The following FSTL5 variants were observed in gnomAD, a reference collection of about 807,000 sequenced individuals.
FSTL5 encodes follistatin like 5.
A neutral mutation model predicts 89.1 loss-of-function variants in FSTL5; 62 were observed. The observed-to-expected ratio is 0.70, with a 90% CI of 0.57 to 0.86. The LOEUF is 0.86. Among genes scored for constraint, FSTL5 ranks in the 40% least tolerant of loss-of-function variants. The pLI is 0.00. For missense variants in FSTL5, 1,057 were observed against 1,001.6 expected, an observed-to-expected ratio of 1.06 and a Z score of -0.75; for synonymous variants, 383 against 346.2, an observed-to-expected ratio of 1.11 and a Z score of -1.18.
chr4:161,930,186 C>T lies in FSTL5; in HGVS notation c.161-9534G>A, dbSNP rs79590383. On this transcript the variant is annotated intron_variant, in intron 3 of 15. Coordinates refer to ENST00000306100, the MANE Select transcript of FSTL5 (RefSeq NM_020116.5). The stretch of plus-strand genomic sequence containing the variant: ...GTAAAATACTCCCACAGTGTCTGAT[C>T]TGCAGCTACAAACAAGACATCACAG... 0.012 allele frequency among the ~76,000 whole-genome samples: 1,791 copies of T among 151,876 alleles called. 87 individuals are homozygous for T. In the East Asian group the frequency reaches 0.16, roughly 13 times the overall value.
intron 7 of FSTL5, among the ~76,000 whole-genome samples, chr4:161,641,744 C>A (rs1222067876): frequency 6.6e-6 from 1 of 152,074 alleles, no homozygotes. Flanking sequence ...CCCGCCTTGG[C>A]CTCCCAAAAT....
intron 2 of FSTL5, among the ~76,000 whole-genome samples, chr4:162,102,715 AT>A (rs1731049183): frequency 6.9e-6 from 1 of 145,312 alleles, no homozygotes; most frequent in Non-Finnish European, 1.5e-5. Context: ...ATATTTATAT[AT>A]ATTTATTTAT....
At chr4:162,023,979 A>G (rs1737189763) in intron 3 of FSTL5, among the ~76,000 whole-genome samples, 1 of 152,150 alleles carries the variant, frequency 6.6e-6, no homozygotes, top group African/African-American at 2.4e-5. Flanking sequence ...AGAAATGTCA[A>G]GCAAATCTAG....
chr4:161,505,281 TG>T (rs1487903237), intron 11 of FSTL5, among the ~76,000 whole-genome samples: 4 of 152,134 alleles, frequency 2.6e-5, no homozygotes, highest in Admixed American at 2.6e-4. Flanking sequence ...ATCCTGACTT[TG>T]GAGATAACAT....
chr4:161,854,217 T>A (rs1731648662), intron 4 of FSTL5, among the ~76,000 whole-genome samples: 1 of 152,218 alleles, frequency 6.6e-6, no homozygotes, highest in East Asian at 1.9e-4. Context: ...TATTTTTCAC[T>A]GAGGAAAGAA....
intron 10 of FSTL5, among the ~76,000 whole-genome samples, chr4:161,524,401 C>T (rs1185909621): frequency 6.6e-6 from 1 of 152,162 alleles, no homozygotes; most frequent in Admixed American, 6.5e-5. Context: ...CTTCTCATGA[C>T]CTCCTGAGGG....
intron 15 of FSTL5, among the ~76,000 whole-genome samples, chr4:161,401,837 T>C (rs768203463): frequency 6.6e-6 from 1 of 152,156 alleles, no homozygotes; most frequent in Non-Finnish European, 1.5e-5. Context: ...TATACCTAGA[T>C]TGTTTATAAT....
intron 7 of FSTL5, among the ~76,000 whole-genome samples, chr4:161,588,273 G>A (rs114867973): frequency 0.039 from 5,860 of 152,010 alleles, 270 homozygotes; most frequent in African/African-American, 0.11. Flanking sequence ...CCTGTTAACT[G>A]CATTCTTCAC....
At chr4:161,715,762 A>T (rs937019125) in intron 6 of FSTL5, among the ~76,000 whole-genome samples, 1 of 152,198 alleles carries the variant, frequency 6.6e-6, no homozygotes, top group Non-Finnish European at 1.5e-5. Context: ...AGCTATGTTC[A>T]TTCAAGGGTT....
At chr4:161,413,274 AAAAAAAAAAT>A (rs780653197) in intron 15 of FSTL5, among the ~76,000 whole-genome samples, 1,138 of 21,476 alleles carry the variant, frequency 0.053, 107 homozygotes, top group East Asian at 0.13. Flanking sequence ...AAAAAAAAAA[AAAAAAAAAAT>A]AAAGACACAC....
chr4:161,767,559 T>C (rs891849577), intron 5 of FSTL5, among the ~76,000 whole-genome samples: 5 of 152,134 alleles, frequency 3.3e-5, no homozygotes, highest in African/African-American at 1.2e-4. Flanking sequence ...ATTCTTACTG[T>C]TGGAGAAGAT....
intron 5 of FSTL5, among the ~76,000 whole-genome samples, chr4:161,762,268 G>C (rs2126791876): frequency 6.6e-6 from 1 of 152,196 alleles, no homozygotes; most frequent in South Asian, 2.1e-4. Context: ...CCAGATACCA[G>C]AATTTTTATA....
chr4:161,620,650 C>T (rs1276843731), intron 7 of FSTL5, among the ~76,000 whole-genome samples: 1 of 151,982 alleles, frequency 6.6e-6, no homozygotes, highest in African/African-American at 2.4e-5. Context: ...GAATGAAACT[C>T]CATCTCAAAA....
chr4:161,594,157 C>T (rs1457553949), intron 7 of FSTL5, among the ~76,000 whole-genome samples: 2 of 151,936 alleles, frequency 1.3e-5, no homozygotes, highest in Non-Finnish European at 2.9e-5. Context: ...GACATAAACA[C>T]AGGGCAAGAA....
chr4:161,619,898 A>G (rs1336804259), intron 7 of FSTL5, among the ~76,000 whole-genome samples: 6 of 152,022 alleles, frequency 3.9e-5, no homozygotes, highest in Admixed American at 6.6e-5. Context: ...ACGTATGTTT[A>G]TTGCGGCACT....
intron 3 of FSTL5, among the ~76,000 whole-genome samples, chr4:161,951,993 C>T (rs1338675860): frequency 6.6e-6 from 1 of 151,886 alleles, no homozygotes; most frequent in Non-Finnish European, 1.5e-5. Flanking sequence ...AAATATTCTT[C>T]TAGGTATTGT....
chr4:161,768,436 G>A (rs1741092439), intron 5 of FSTL5, among the ~76,000 whole-genome samples: 1 of 151,936 alleles, frequency 6.6e-6, no homozygotes, highest in African/African-American at 2.4e-5. Flanking sequence ...GGAATTTGGA[G>A]CCCCAGGAAA....
chr4:162,132,026 T>C (rs1561036624), intron 1 of FSTL5, among the ~76,000 whole-genome samples: 1 of 152,258 alleles, frequency 6.6e-6, no homozygotes, highest in Non-Finnish European at 1.5e-5. Context: ...TGTGAAACAC[T>C]GCTCTATCAT....
chr4:161,964,662 T>C (rs1258136430), intron 3 of FSTL5, among the ~76,000 whole-genome samples: 1 of 152,010 alleles, frequency 6.6e-6, no homozygotes, highest in Non-Finnish European at 1.5e-5. Flanking sequence ...TGTTCTTTCA[T>C]GAAAACAGGT....
Sources: allele counts gnomAD v4.1 joint callset (sites outside exome capture counted in the v4.1 genomes callset), GRCh38; gene constraint gnomAD v4.1.1; transcripts MANE v1.5; gene names NCBI Gene and HGNC (gene_info 2026-07-23, HGNC 2026-07-21).